The following SLC41A2 variants were observed in gnomAD, a reference collection of about 807,000 sequenced individuals.
SLC41A2 encodes SLC41A1-like 1.
Under a neutral mutation model 58.3 loss-of-function variants are expected in SLC41A2, and 32 were observed. The ratio of observed to expected loss-of-function variants is 0.55; its 90% CI spans 0.41 to 0.74. The LOEUF is 0.74. Among genes scored for constraint, SLC41A2 ranks in the 30% least tolerant of loss-of-function variants. SLC41A2 has a pLI of 0.00. For synonymous variants in SLC41A2, 190 were observed against 235.0 expected (o/e 0.81, Z 1.75); for missense variants, 514 against 680.6 (o/e 0.76, Z 2.72).
chr12:104,879,134 C>A (rs1455970739), intron 6 of SLC41A2, among the ~76,000 whole-genome samples: 1 of 152,180 alleles, frequency 6.6e-6, no homozygotes, highest in Non-Finnish European at 1.5e-5. Flanking sequence ...CTGTTCGTAT[C>A]CTTCACCCAC....
At chr12:104,897,680 T>C (rs541843599) in intron 3 of SLC41A2, among the ~76,000 whole-genome samples, 6 of 152,308 alleles carry the variant, frequency 3.9e-5, no homozygotes, top group Admixed American at 1.3e-4. Flanking sequence ...ATAACTTTTT[T>C]TATAAAGCAA....
At chr12:104,901,115 G>C (rs973779191) in intron 3 of SLC41A2, among the ~76,000 whole-genome samples, 2 of 152,132 alleles carry the variant, frequency 1.3e-5, no homozygotes, top group Non-Finnish European at 2.9e-5. Flanking sequence ...TGAGGCAATA[G>C]AAATCAGTTT....
intron 8 of SLC41A2, among the ~76,000 whole-genome samples, chr12:104,854,041 T>C (rs2136382759): frequency 6.6e-6 from 1 of 150,456 alleles, no homozygotes; most frequent in African/African-American, 2.5e-5. Flanking sequence ...GTTATAGAAG[T>C]GAGCCAGCGT....
intron 10 of SLC41A2, among the ~76,000 whole-genome samples, chr12:104,818,000 A>ATGATAATT (rs2041481763): frequency 2.6e-5 from 4 of 152,234 alleles, no homozygotes; most frequent in Admixed American, 2.0e-4. Flanking sequence ...TCACAAAAAA[A>ATGATAATT]TGATAATTTT....
intron 1 of SLC41A2, among the ~76,000 whole-genome samples, chr12:104,942,735 C>T (rs1417115033): frequency 1.3e-5 from 2 of 152,128 alleles, no homozygotes; most frequent in Admixed American, 6.5e-5. Flanking sequence ...TTGATTTACT[C>T]ATCTAATGTT....
intron 8 of SLC41A2, among the ~76,000 whole-genome samples, chr12:104,853,895 T>A (rs1207822994): frequency 1.4e-5 from 2 of 138,636 alleles, no homozygotes; most frequent in African/African-American, 5.3e-5. Context: ...CGGGTGCATG[T>A]CACCATGCCT....
intron 8 of SLC41A2, among the ~76,000 whole-genome samples, chr12:104,860,373 C>T (rs1157305673): frequency 6.9e-6 from 1 of 145,246 alleles, no homozygotes; most frequent in Non-Finnish European, 1.5e-5. Flanking sequence ...ACGTTCTGCA[C>T]ATGTATCCCA....
intron 10 of SLC41A2, chr12:104,834,206 AT>A: frequency 1.0e-6 from 1 of 984,980 alleles, no homozygotes; most frequent in Non-Finnish European, 1.2e-6. Context: ...ATAAATATGG[AT>A]TTAGAAAGGT....
chr12:104,820,624 ATAGT>A (rs1289481627), intron 10 of SLC41A2, among the ~76,000 whole-genome samples: 1 of 152,170 alleles, frequency 6.6e-6, no homozygotes, highest in Non-Finnish European at 1.5e-5. Context: ...AAATATGCAC[ATAGT>A]TATTTAATGT....
At chr12:104,864,364 C>CT (rs1256597977) in intron 7 of SLC41A2, among the ~76,000 whole-genome samples, 1 of 152,112 alleles carries the variant, frequency 6.6e-6, no homozygotes, top group Non-Finnish European at 1.5e-5. Context: ...GATATTGTGA[C>CT]TGTATTTTAT....
chr12:104,945,304 T>C (rs1254458585), intron 1 of SLC41A2, among the ~76,000 whole-genome samples: 1 of 151,658 alleles, frequency 6.6e-6, no homozygotes, highest in Non-Finnish European at 1.5e-5. Flanking sequence ...ATTGAGACCA[T>C]CCTGGCTAAT....
At chr12:104,869,853 C>T (rs1030768056) in intron 6 of SLC41A2, among the ~76,000 whole-genome samples, 1 of 152,164 alleles carries the variant, frequency 6.6e-6, no homozygotes, top group African/African-American at 2.4e-5. Context: ...ACCAATGACA[C>T]AATCAACAGA....
chr12:104,926,044 A>T (rs921181918), intron 2 of SLC41A2, among the ~76,000 whole-genome samples: 1 of 152,176 alleles, frequency 6.6e-6, no homozygotes, highest in African/African-American at 2.4e-5. Flanking sequence ...AAATGTTTCT[A>T]TTTATGTATA....
intron 1 of SLC41A2, among the ~76,000 whole-genome samples, chr12:104,935,654 C>T (rs549818152): frequency 6.6e-6 from 1 of 152,298 alleles, no homozygotes; most frequent in East Asian, 1.9e-4. Context: ...AAAGGCCACT[C>T]TGACTACAGT....
At chr12:104,905,473 T>A (rs1430197491) in intron 3 of SLC41A2, among the ~76,000 whole-genome samples, 5 of 152,266 alleles carry the variant, frequency 3.3e-5, no homozygotes, top group Non-Finnish European at 7.3e-5. Flanking sequence ...GCACCGGGGC[T>A]GCAGGTGGAG....
chr12:104,869,396 T>C (rs990997452), intron 6 of SLC41A2, among the ~76,000 whole-genome samples: 9 of 152,134 alleles, frequency 5.9e-5, no homozygotes, highest in Admixed American at 2.0e-4. Flanking sequence ...CACACGTACA[T>C]AGACAAAGAG....
chr12:104,839,350 G>A (rs565835840), intron 10 of SLC41A2, among the ~76,000 whole-genome samples: 12 of 151,926 alleles, frequency 7.9e-5, no homozygotes, highest in East Asian at 3.9e-4. Context: ...ACAGAAAACC[G>A]TTAACAGTAA....
rs140206253 is a variant in SLC41A2, at chr12:104,943,824, G to A, written c.-168+14264C>T. On this transcript the variant is annotated intron_variant, in intron 1 of 10. Coordinates refer to ENST00000258538, the MANE Select transcript of SLC41A2 (RefSeq NM_001352171.3). The stretch of plus-strand genomic sequence containing the variant: ...AAACACGGGGCTTGCAACTTAGCTC[G>A]CACCCAAACAATCAGGTAGTAAAGA... Among the ~76,000 whole-genome samples, 472 of 151,892 alleles carry A rather than the reference G, an allele frequency of 3.1e-3. 5 individuals carry two copies. Among genetic ancestry groups the A allele is most frequent in the African/African-American group, 0.011 (461 of 41,396 alleles).
intron 3 of SLC41A2, among the ~76,000 whole-genome samples, chr12:104,896,668 A>G (rs544237965): frequency 1.6e-4 from 25 of 152,348 alleles, no homozygotes; most frequent in African/African-American, 5.3e-4. Flanking sequence ...AAATGGAAAC[A>G]TACATACATT....
Sources: gnomAD v4.1 joint callset for allele counts (sites outside exome capture counted in the v4.1 genomes callset) on GRCh38, gnomAD v4.1.1 for gene constraint, MANE v1.5 for transcripts, NCBI Gene and HGNC (gene_info 2026-07-23, HGNC 2026-07-21) for gene names.